Variants in L3MBTL4 observed in about 807,000 individuals in gnomAD.
The protein encoded by L3MBTL4 is L3MBTL histone methyl-lysine binding protein 4.
In L3MBTL4, 70 loss-of-function variants were observed where a neutral mutation model predicts 84.5. The observed-to-expected ratio is 0.83, with a 90% CI of 0.68 to 1.01. L3MBTL4 has a LOEUF of 1.01. Ranked by LOEUF, L3MBTL4 falls within the 50% of genes least tolerant of loss-of-function variation. The probability of loss-of-function intolerance (pLI) is 0.00; values close to 1 mark genes in which losing one functional copy is unlikely to be tolerated. For synonymous variants in L3MBTL4, 274 were observed against 259.8 expected (o/e 1.05, Z -0.52); for missense variants, 715 against 754.8 (o/e 0.95, Z 0.62).
intron 16 of L3MBTL4, among the ~76,000 whole-genome samples, chr18:5,993,415 G>A (rs2053795990): frequency 6.6e-6 from 1 of 152,168 alleles, no homozygotes; most frequent in Non-Finnish European, 1.5e-5. Flanking sequence ...ACCAAGAAGA[G>A]CTTTAACAAT....
At chr18:6,003,532 G>A (rs998995543) in intron 16 of L3MBTL4, among the ~76,000 whole-genome samples, 3 of 151,982 alleles carry the variant, frequency 2.0e-5, no homozygotes, top group African/African-American at 7.2e-5. Context: ...CAGAGGACTT[G>A]TATGACACAA....
At chr18:6,390,082 G>T (rs55915997) in intron 1 of L3MBTL4, among the ~76,000 whole-genome samples, 1,562 of 152,160 alleles carry the variant, frequency 0.01, 24 homozygotes, top group African/African-American at 0.035. Context: ...TTTAAAAACT[G>T]AAGTCATATC....
intron 12 of L3MBTL4, among the ~76,000 whole-genome samples, chr18:6,191,809 G>C (rs756047901): frequency 3.3e-5 from 5 of 152,042 alleles, no homozygotes; most frequent in Non-Finnish European, 7.4e-5. Flanking sequence ...ACACCATAAT[G>C]GGACCTTTGT....
At chr18:6,011,458 G>A (rs2054734205) in intron 16 of L3MBTL4, among the ~76,000 whole-genome samples, 1 of 152,136 alleles carries the variant, frequency 6.6e-6, no homozygotes, top group Admixed American at 6.5e-5. Flanking sequence ...TTAGGGGAGG[G>A]GACAGGTGAC....
intron 17 of L3MBTL4, among the ~76,000 whole-genome samples, chr18:5,967,286 T>G (rs1194848970): frequency 6.6e-6 from 1 of 152,244 alleles, no homozygotes; most frequent in Non-Finnish European, 1.5e-5. Context: ...TGTGGCCTGA[T>G]GCAAGTCACT....
intron 13 of L3MBTL4, among the ~76,000 whole-genome samples, chr18:6,155,974 C>A (rs2043086677): frequency 6.6e-6 from 1 of 152,030 alleles, no homozygotes. Flanking sequence ...GTTTCTAATA[C>A]CATGAAAGAC....
chr18:6,192,567 G>A lies in L3MBTL4; in HGVS notation c.981+20582C>T, dbSNP rs370628807. On this transcript the variant is annotated intron_variant, in intron 12 of 18. Coordinates refer to ENST00000317931, the MANE Select transcript of L3MBTL4 (RefSeq NM_001330559.2). ...GGGATAGGAGGTAATAGGCATCATC[G>A]GCTGAGAACGAGAGTGAGGCAAGAG... 1.7e-4 allele frequency among the ~76,000 whole-genome samples: 26 copies of A among 152,214 alleles called. No homozygotes were observed. The East Asian group carries it at 2.1e-3, about 12-fold the overall frequency.
At chr18:6,014,830 T>A (rs560886646) in intron 16 of L3MBTL4, among the ~76,000 whole-genome samples, 91 of 152,256 alleles carry the variant, frequency 6.0e-4, no homozygotes, top group Non-Finnish European at 1.1e-3. Flanking sequence ...TTCAAAAATG[T>A]CACTTTGGTG....
At chr18:5,982,830 T>A (rs1317817080) in intron 16 of L3MBTL4, among the ~76,000 whole-genome samples, 1 of 152,232 alleles carries the variant, frequency 6.6e-6, no homozygotes, top group East Asian at 1.9e-4. Context: ...TTCCCATTTA[T>A]GTGAATAGGC....
At chr18:6,260,755 G>A (rs189210303) in intron 5 of L3MBTL4, 22 of 152,220 alleles carry the variant, frequency 1.4e-4, no homozygotes, top group Admixed American at 7.2e-4. Context: ...AAGCTGAAGC[G>A]TTCCATCTCA....
chr18:6,149,038 T>C (rs1283127550), intron 13 of L3MBTL4, among the ~76,000 whole-genome samples: 1 of 151,394 alleles, frequency 6.6e-6, no homozygotes, highest in African/African-American at 2.4e-5. Context: ...ATAAGAGGAG[T>C]TTTTAAAAAT....
intron 14 of L3MBTL4, among the ~76,000 whole-genome samples, chr18:6,097,557 T>C (rs985478203): frequency 1.3e-5 from 2 of 152,178 alleles, no homozygotes; most frequent in African/African-American, 4.8e-5. Context: ...TTCCACCAGT[T>C]GGGACAGTTT....
chr18:6,087,563 C>T (rs1340258693), intron 15 of L3MBTL4, among the ~76,000 whole-genome samples: 1 of 152,048 alleles, frequency 6.6e-6, no homozygotes, highest in Non-Finnish European at 1.5e-5. Context: ...AGCCAAAACC[C>T]CCTATAGGGC....
chr18:6,337,441 A>G (rs900672747), intron 1 of L3MBTL4, among the ~76,000 whole-genome samples: 1 of 152,176 alleles, frequency 6.6e-6, no homozygotes, highest in African/African-American at 2.4e-5. Context: ...ATGAGAATAA[A>G]CAAACTATAA....
At chr18:5,972,349 G>A (rs1026802375) in intron 16 of L3MBTL4, among the ~76,000 whole-genome samples, 1 of 152,194 alleles carries the variant, frequency 6.6e-6, no homozygotes, top group East Asian at 1.9e-4. Context: ...GGAGTCCCTG[G>A]ATAGGGAATC....
intron 16 of L3MBTL4, chr18:6,030,777 G>T (rs923853364): frequency 1.0e-4 from 99 of 983,988 alleles, no homozygotes; most frequent in Non-Finnish European, 1.1e-4. Flanking sequence ...TTTCTGGCTT[G>T]AAGTTTCATT....
At chr18:6,081,076 T>C in intron 15 of L3MBTL4, 125 bp from the exon 16 acceptor site, 2 of 594,730 alleles carry the variant, frequency 3.4e-6, no homozygotes, top group Non-Finnish European at 5.6e-6. Flanking sequence ...GGTATTTTGC[T>C]GCACAGAGCC....
chr18:6,096,602 G>A (rs995521982), intron 14 of L3MBTL4, among the ~76,000 whole-genome samples: 5 of 152,128 alleles, frequency 3.3e-5, no homozygotes, highest in Non-Finnish European at 7.3e-5. Context: ...GTGCATGCAC[G>A]TACGCATGCA....
chr18:6,282,366 G>A (rs566710236), intron 4 of L3MBTL4, among the ~76,000 whole-genome samples: 75 of 152,274 alleles, frequency 4.9e-4, no homozygotes, highest in African/African-American at 1.7e-3. Context: ...TGAGAAATCA[G>A]GAAAAGCTTC....
Sources: gnomAD v4.1 joint callset for allele counts (sites outside exome capture counted in the v4.1 genomes callset) on GRCh38, gnomAD v4.1.1 for gene constraint, MANE v1.5 for transcripts, NCBI Gene and HGNC (gene_info 2026-07-23, HGNC 2026-07-21) for gene names.